Variants in ZNF236 observed in about 807,000 individuals in gnomAD.
ZNF236 encodes zinc finger protein 236.
ZNF236 carries 50 observed loss-of-function variants against 191.2 expected under a neutral mutation model. The observed-to-expected ratio is 0.26, with a 90% CI of 0.21 to 0.33. ZNF236 has a LOEUF of 0.33. Among genes scored for constraint, ZNF236 ranks in the 10% least tolerant of loss-of-function variants. The pLI, the probability that ZNF236 is intolerant of heterozygous loss-of-function variation, is 1.00. For synonymous variants in ZNF236, 907 were observed against 928.8 expected (o/e 0.98, Z 0.43); for missense variants, 1,754 against 2,374.5 (o/e 0.74, Z 5.43).
At chr18:76,849,464 TTTTA>T (rs1975793692) in intron 1 of ZNF236, 58 bp from the exon 2 acceptor site, 3 of 1,397,284 alleles carry the variant, frequency 2.1e-6, no homozygotes, top group South Asian at 3.1e-5. Flanking sequence ...AATAATTTGG[TTTTA>T]TTTATGTGAT....
intron 9 of ZNF236, among the ~76,000 whole-genome samples, chr18:76,891,929 A>G (rs913560135): frequency 6.6e-6 from 1 of 152,030 alleles, no homozygotes; most frequent in Non-Finnish European, 1.5e-5. Flanking sequence ...CTCCTTTTTA[A>G]AAGTGTATTT....
Position 76,919,830 on chromosome 18 carries a change from C to T in ZNF236, c.3329C>T (p.Ser1110Phe). 1.2e-6 allele frequency: 2 copies of T among 1,614,230 alleles called. No homozygotes were observed. Among genetic ancestry groups the T allele is most frequent in the Non-Finnish European group, 1.7e-6 (2 of 1,180,050 alleles). The change falls in exon 20 of 31, where the codon TCT becomes TTT. Residue 1110 changes from serine to phenylalanine, a missense_variant. Ser to Phe is a radical substitution (Grantham distance 155, BLOSUM62 -2). Around this residue, in one of 5 missense-constraint regions of ZNF236, gnomAD observed 641 missense variants for 869.6 expected, o/e 0.74. Coordinates refer to ENST00000320610, the MANE Select transcript of ZNF236 (RefSeq NM_001306089.2). This position sits in a 1 kb window ranked among gnomAD's most constrained non-coding sequence, Gnocchi z 5.3. ...EHSDRNASRK[S>F]RPEVITFTEE... ...TCTGACAGAAATGCATCACGGAAGT[C>T]TCGTCCTGAGGTCATCACTTTCACG...
rs186151795 is a variant in ZNF236 at position 76,875,800 on chromosome 18, A to G, written c.840+136A>G. 2.1e-6 allele frequency: 2 copies of G among 954,878 alleles called. No homozygotes were observed. Among genetic ancestry groups the G allele is most frequent in the African/African-American group, 3.4e-5 (2 of 59,246 alleles). The allele number at this position is 954,878 out of a possible 1,614,324, so 59.2% of individuals were successfully genotyped here. ...TTTTGTGCCGAGCAGACCCTGTTTT[A>G]AAAAATACATACGTGGGAATTTTTT... On this transcript the variant is annotated intron_variant, in intron 6 of 30. Coordinates refer to ENST00000320610, the MANE Select transcript of ZNF236 (RefSeq NM_001306089.2). The surrounding 1 kb of genome is among the most constrained non-coding windows in gnomAD (Gnocchi z 4.3).
At chr18:76,955,877 C>G (rs769042083) in intron 27 of ZNF236, 108 bp from the exon 28 acceptor site, 14 of 1,249,572 alleles carry the variant, frequency 1.1e-5, no homozygotes, top group Non-Finnish European at 1.6e-5. Flanking sequence ...GTGGGCTTGG[C>G]GTGTCCGTGC....
intron 3 of ZNF236, among the ~76,000 whole-genome samples, chr18:76,856,887 A>C (rs1176545979): frequency 6.6e-6 from 1 of 152,186 alleles, no homozygotes; most frequent in African/African-American, 2.4e-5. Flanking sequence ...ATGCTTCCCA[A>C]TTCTAAAATT....
At chr18:76,900,986 A>G (rs1301450305) in intron 11 of ZNF236, among the ~76,000 whole-genome samples, 2 of 152,150 alleles carry the variant, frequency 1.3e-5, no homozygotes, top group African/African-American at 2.4e-5. Flanking sequence ...ACAGTGCACA[A>G]TAGGGTTCGC....
At chr18:76,896,931 A>G (rs1273189385) in intron 10 of ZNF236, among the ~76,000 whole-genome samples, 5 of 151,936 alleles carry the variant, frequency 3.3e-5, no homozygotes, top group African/African-American at 1.2e-4. Flanking sequence ...TACTGCCCAC[A>G]GGGACTGTAT....
At chr18:76,834,074 GT>G (rs957529001) in intron 1 of ZNF236, among the ~76,000 whole-genome samples, 3 of 152,068 alleles carry the variant, frequency 2.0e-5, no homozygotes, top group African/African-American at 7.2e-5. Context: ...CTTTGTGTCA[GT>G]TTTGGTAAGT....
chr18:76,918,131 C>A (rs1967423480), intron 19 of ZNF236, among the ~76,000 whole-genome samples: 1 of 152,160 alleles, frequency 6.6e-6, no homozygotes, highest in Admixed American at 6.5e-5. Flanking sequence ...GTCAGTCATA[C>A]AATAATGACC....
chr18:76,867,866 A>G (rs991877031), intron 3 of ZNF236, among the ~76,000 whole-genome samples: 1 of 152,204 alleles, frequency 6.6e-6, no homozygotes, highest in Non-Finnish European at 1.5e-5. Context: ...CTAGCAGCTT[A>G]GCTAGTGATT....
intron 1 of ZNF236, among the ~76,000 whole-genome samples, chr18:76,832,297 C>T (rs1975192829): frequency 6.6e-6 from 1 of 152,054 alleles, no homozygotes; most frequent in Admixed American, 6.5e-5. Flanking sequence ...GCCAGGCTGG[C>T]CTCCAACTCC....
At chr18:76,943,122 C>CA (rs530931580) in intron 26 of ZNF236, among the ~76,000 whole-genome samples, 50,971 of 85,706 alleles carry the variant, frequency 0.59, 15,531 homozygotes, top group Non-Finnish European at 0.68. Context: ...GACTCCGTCT[C>CA]AAAAAAAAAA....
chr18:76,922,344 A>G (rs1317968138), intron 20 of ZNF236, among the ~76,000 whole-genome samples: 2 of 152,180 alleles, frequency 1.3e-5, no homozygotes, highest in African/African-American at 4.8e-5. Context: ...CCTGTTTTAC[A>G]GCTGCAGCCA....
rs749172530 is a variant in ZNF236, at chr18:76,905,201, G to C, written c.2083G>C (p.Gly695Arg). 3.7e-6 allele frequency: 6 copies of C among 1,613,962 alleles called. No individual in the cohort carries two copies. The highest frequency in any genetic ancestry group is 4.2e-6 in the Non-Finnish European group (5 of 1,180,024). ...KPFKCSQCGR[G>R]FVSAGVLKAH... ...TTTTAAATGTTCTCAGTGTGGAAGAGGCTTTGTTTCTGCAGGCGTGCTCAA... is the reference window on the plus strand; with the variant it reads ...TTTTAAATGTTCTCAGTGTGGAAGACGCTTTGTTTCTGCAGGCGTGCTCAA... Residue 695 changes from glycine (G) to arginine (R), a missense_variant, in exon 13 of 31, where the codon GGC becomes CGC. Physicochemically the swap from Gly to Arg is moderately radical, Grantham distance 125. Around this residue, in one of 5 missense-constraint regions of ZNF236, gnomAD observed 641 missense variants for 869.6 expected, o/e 0.74. Coordinates refer to ENST00000320610, the MANE Select transcript of ZNF236 (RefSeq NM_001306089.2).
chr18:76,842,774 A>T (rs1252519757), intron 1 of ZNF236, among the ~76,000 whole-genome samples: 2 of 151,968 alleles, frequency 1.3e-5, no homozygotes, highest in Non-Finnish European at 2.9e-5. Context: ...AAGCGATACC[A>T]TTCAGAATAT....
rs372191917 is a variant in ZNF236 at position 76,937,216 on chromosome 18, C to T, written c.4655C>T (p.Ser1552Leu). ...ACACCGATGTCTCCATCGGCCATCT[C>T]GACTCAGAACCTGGTCATGTCCTCG... is the stretch of plus-strand genomic sequence containing the variant. The part of the protein sequence containing the change: ...STTPMSPSAI[S>L]TQNLVMSSSG... Residue 1552 changes from serine (S) to leucine (L), a missense_variant, in exon 26 of 31, where the codon TCG (serine) becomes TTG (leucine). Coordinates refer to ENST00000320610, the MANE Select transcript of ZNF236 (RefSeq NM_001306089.2). 9.3e-6 allele frequency: 15 copies of T among 1,614,064 alleles called. No individual in the cohort carries two copies. In the Admixed American group the frequency reaches 1.0e-4, roughly 11 times the overall value.
At chr18:76,912,081 A>G (rs1967231269) in intron 16 of ZNF236, among the ~76,000 whole-genome samples, 163 bp from the exon 17 acceptor site, 3 of 152,334 alleles carry the variant, frequency 2.0e-5, no homozygotes, top group African/African-American at 7.2e-5. Context: ...AGTGATCTTT[A>G]TTATTGCTCT....
chr18:76,882,057 C>T lies in ZNF236; in HGVS notation c.1417+545C>T, dbSNP rs553891096. 2.1e-4 allele frequency among the ~76,000 whole-genome samples: 32 copies of T among 152,302 alleles called. 2 individuals are homozygous for T. In the South Asian group the frequency reaches 6.4e-3, roughly 31 times the overall value. ...TCCTGTCACCTGTCCCCTGCATTTC[C>T]ATCCGCCCTCCCTCTGTGCTTCTAG... On this transcript the variant is annotated intron_variant, in intron 9 of 30. Coordinates refer to ENST00000320610, the MANE Select transcript of ZNF236 (RefSeq NM_001306089.2).
At chr18:76,926,699 T>TG (rs1967692259) in intron 22 of ZNF236, among the ~76,000 whole-genome samples, 1 of 107,664 alleles carries the variant, frequency 9.3e-6, no homozygotes, top group Admixed American at 9.1e-5. Context: ...GTGATTAGAC[T>TG]GTGTGTATGG....
Sources: gnomAD v4.1 joint callset for allele counts (sites outside exome capture counted in the v4.1 genomes callset) on GRCh38, gnomAD v4.1.1 for gene constraint, gnomAD v4.1.1 regional missense constraint, Gnocchi (gnomAD v3.1) non-coding constraint, MANE v1.5 for transcripts, NCBI Gene and HGNC (gene_info 2026-07-23, HGNC 2026-07-21) for gene names.